Variants in FAT1 observed in about 807,000 individuals in gnomAD.
The protein encoded by FAT1 is FAT atypical cadherin 1.
A neutral mutation model predicts 329.8 loss-of-function variants in FAT1; 171 were observed. The observed-to-expected ratio is 0.52, with a 90% CI of 0.46 to 0.59. The LOEUF (loss-of-function observed/expected upper bound fraction) is 0.59. Among genes scored for constraint, FAT1 ranks in the 20% least tolerant of loss-of-function variants. The probability of loss-of-function intolerance (pLI) is 0.00; values close to 1 mark genes in which losing one functional copy is unlikely to be tolerated. For synonymous variants in FAT1, 2,233 were observed against 2,228.6 expected, an observed-to-expected ratio of 1.00 and a Z score of -0.06; for missense variants, 5,672 against 5,774.4, an observed-to-expected ratio of 0.98 and a Z score of 0.57.
At chr4:186,700,501 A>T (rs2126673556) in intron 2 of FAT1, among the ~76,000 whole-genome samples, 1 of 152,288 alleles carries the variant, frequency 6.6e-6, no homozygotes, top group East Asian at 1.9e-4. Flanking sequence ...CATTCAGAGT[A>T]AAAATGCTGG....
At chr4:186,594,312 T>G (rs566383342) in intron 26 of FAT1, among the ~76,000 whole-genome samples, 1 of 151,826 alleles carries the variant, frequency 6.6e-6, no homozygotes, top group Non-Finnish European at 1.5e-5. Context: ...CCGCCCGCCT[T>G]CACCTCCCAA....
In FAT1 at chr4:186,601,348, T is replaced by G; in HGVS notation, c.11561A>C (p.Lys3854Thr). 1 of 1,613,114 alleles carries G rather than the reference T, an allele frequency of 6.2e-7. No individual in the cohort carries two copies. The highest frequency in any genetic ancestry group is 1.1e-5 in the South Asian group (1 of 91,006). ...LTENENKLEM[K>T]LTMRLRTYST... ...ATATGTTCTGAGCCTCATGGTCAGT[T>G]TCATCTCTAATTTGTTTTCATTTTC... The change falls in exon 21 of 27, where the codon AAA becomes ACA. Residue 3854 changes from lysine (K) to threonine (T), a missense_variant. Around this residue, in one of 2 missense-constraint regions of FAT1, gnomAD observed 1,706 missense variants for 1,859.1 expected, o/e 0.92. Coordinates refer to ENST00000441802, the MANE Select transcript of FAT1 (RefSeq NM_005245.4).
intron 26 of FAT1, chr4:186,590,250 G>A (rs551284544): frequency 1.4e-5 from 7 of 487,242 alleles, no homozygotes; most frequent in East Asian, 7.1e-5. Flanking sequence ...ACATGCAGCC[G>A]TGTACTTAGT....
chr4:186,636,257 G>A (rs777025645), intron 5 of FAT1, 22 bp from the exon 6 acceptor site: 1 of 1,605,730 alleles, frequency 6.2e-7, no homozygotes. Flanking sequence ...GGGCAGAGGG[G>A]ATTAAAAACA....
chr4:186,603,629 G>A lies in FAT1; in HGVS notation c.10897C>T (p.Gln3633Ter), dbSNP rs2126430946. 1 of 1,614,000 alleles carries A rather than the reference G, an allele frequency of 6.2e-7. No homozygotes were observed. Among genetic ancestry groups the A allele is most frequent in the Non-Finnish European group, 8.5e-7 (1 of 1,179,884 alleles). The change falls in exon 19 of 27, where the codon CAA (glutamine) becomes TAA (stop). Residue 3633 changes from glutamine (Q) to a stop codon, truncating the protein, a stop_gained. Transcript: ENST00000441802. LOFTEE classifies it high-confidence loss of function. ...TVADITVHIR[Q>*]VTQEMLNHTI... ...TGGTTCAACATCTCCTGTGTGACTT[G>A]TCTGATATGCACTGTGATGTCGGCC...
chr4:186,642,655 T>C (rs1741157877), intron 3 of FAT1, among the ~76,000 whole-genome samples: 1 of 152,090 alleles, frequency 6.6e-6, no homozygotes, highest in Admixed American at 6.6e-5. Context: ...AATGGGTGGC[T>C]ACGTGCTGCG....
At chr4:186,658,921 A>G (rs1053135440) in intron 3 of FAT1, among the ~76,000 whole-genome samples, 3 of 152,202 alleles carry the variant, frequency 2.0e-5, no homozygotes, top group African/African-American at 7.2e-5. Context: ...ACTTTTGTAG[A>G]TGACGAACTT....
chr4:186,607,943 C>G (rs1003531676), intron 16 of FAT1, among the ~76,000 whole-genome samples: 2 of 152,216 alleles, frequency 1.3e-5, no homozygotes, highest in Non-Finnish European at 1.5e-5. Context: ...GTCTCTAAAT[C>G]TGACTAAAAT....
chr4:186,642,615 C>CAGGTGCTGCGATGGGTGGCT (rs369073361), intron 3 of FAT1, among the ~76,000 whole-genome samples: 2 of 152,116 alleles, frequency 1.3e-5, no homozygotes, highest in Non-Finnish European at 2.9e-5. Context: ...CAGCGTGTGC[C>CAGGTGCTGCGATGGGTGGCT]AGGTGCTGCG....
chr4:186,637,271 C>G (rs542723093), intron 4 of FAT1, among the ~76,000 whole-genome samples: 73 of 152,286 alleles, frequency 4.8e-4, no homozygotes, highest in African/African-American at 1.7e-3. Context: ...GGAAGAGATA[C>G]GTGAAGATTC....
At chr4:186,610,392 A>AT (rs1739348370) in intron 14 of FAT1, among the ~76,000 whole-genome samples, 1 of 151,730 alleles carries the variant, frequency 6.6e-6, no homozygotes, top group African/African-American at 2.4e-5. Flanking sequence ...TTTCGGTTTC[A>AT]TTTTTTGTCT....
intron 3 of FAT1, among the ~76,000 whole-genome samples, chr4:186,653,137 G>A (rs1318065201): frequency 6.6e-6 from 1 of 152,150 alleles, no homozygotes; most frequent in East Asian, 1.9e-4. Flanking sequence ...AACAAAATGG[G>A]GGAGATGATA....
At chr4:186,722,641 G>C (rs1473097562) in intron 1 of FAT1, among the ~76,000 whole-genome samples, 2 of 152,164 alleles carry the variant, frequency 1.3e-5, no homozygotes, top group Non-Finnish European at 2.9e-5. Flanking sequence ...AACTCATTAA[G>C]AATAGTGTGA....
chr4:186,611,112 AAACT>A (rs1429589232), intron 14 of FAT1, among the ~76,000 whole-genome samples: 1 of 152,212 alleles, frequency 6.6e-6, no homozygotes, highest in Non-Finnish European at 1.5e-5. Flanking sequence ...CATCTCAACT[AAACT>A]AATAGAACAT....
At chr4:186,687,724 C>T (rs1743542066) in intron 2 of FAT1, among the ~76,000 whole-genome samples, 1 of 152,146 alleles carries the variant, frequency 6.6e-6, no homozygotes, top group African/African-American at 2.4e-5. Flanking sequence ...GATAAAGATG[C>T]TCAACTTCTA....
chr4:186,695,146 T>C (rs796195437), intron 2 of FAT1, among the ~76,000 whole-genome samples: 25 of 152,374 alleles, frequency 1.6e-4, no homozygotes, highest in African/African-American at 5.8e-4. Context: ...CCTACTAATC[T>C]GAACGTTTTT....
chr4:186,668,866 G>A (rs1742592671), intron 2 of FAT1, among the ~76,000 whole-genome samples: 1 of 152,116 alleles, frequency 6.6e-6, no homozygotes, highest in Non-Finnish European at 1.5e-5. Context: ...AGTCATCACT[G>A]GATGTGAATC....
At chr4:186,599,143 A>G (rs1031591234) in intron 22 of FAT1, among the ~76,000 whole-genome samples, 6 of 152,232 alleles carry the variant, frequency 3.9e-5, no homozygotes, top group African/African-American at 1.4e-4. Context: ...TGGACGTGTA[A>G]CTAATATGAG....
At chr4:186,592,922 T>G (rs954754122) in intron 26 of FAT1, among the ~76,000 whole-genome samples, 2 of 152,236 alleles carry the variant, frequency 1.3e-5, no homozygotes, top group African/African-American at 4.8e-5. Context: ...GCTGTGTGTC[T>G]CAGAGACTTT....
Sources: allele counts gnomAD v4.1 joint callset (sites outside exome capture counted in the v4.1 genomes callset), GRCh38; gene constraint gnomAD v4.1.1; regional missense constraint gnomAD v4.1.1; transcripts MANE v1.5; gene names NCBI Gene and HGNC (gene_info 2026-07-23, HGNC 2026-07-21).